The following SLC6A6 variants were observed in gnomAD, a reference collection of about 807,000 sequenced individuals.
SLC6A6 encodes the protein solute carrier family 6 member 6.
In SLC6A6, 16 loss-of-function variants were observed where a neutral mutation model predicts 68.8. That is an observed-to-expected ratio of 0.23 (90% CI 0.16 to 0.35). The LOEUF is 0.35. Ranked by LOEUF, SLC6A6 falls within the 10% of genes least tolerant of loss-of-function variation. SLC6A6 has a pLI of 1.00. For missense variants in SLC6A6, 474 were observed against 802.8 expected (o/e 0.59, Z 4.95); for synonymous variants, 312 against 315.4 (o/e 0.99, Z 0.12).
intron 10 of SLC6A6, among the ~76,000 whole-genome samples, chr3:14,473,983 C>T (rs1201048655): frequency 6.6e-6 from 1 of 152,230 alleles, no homozygotes; most frequent in African/African-American, 2.4e-5. Context: ...GGAGGACACG[C>T]ATCTCTCAGG....
chr3:14,433,150 C>T (rs1699768078), intron 2 of SLC6A6, among the ~76,000 whole-genome samples: 1 of 152,176 alleles, frequency 6.6e-6, no homozygotes, highest in Admixed American at 6.5e-5. Context: ...TGTGATGGCC[C>T]TGGGCCAGGT....
intron 2 of SLC6A6, among the ~76,000 whole-genome samples, chr3:14,423,785 G>A (rs1699532763): frequency 6.6e-6 from 1 of 152,196 alleles, no homozygotes; most frequent in Non-Finnish European, 1.5e-5. Flanking sequence ...AATACCAAAT[G>A]TGTCTTATTA....
intron 1 of SLC6A6, among the ~76,000 whole-genome samples, chr3:14,405,172 A>G (rs1699078049): frequency 6.6e-6 from 1 of 152,196 alleles, no homozygotes; most frequent in Non-Finnish European, 1.5e-5. Context: ...AAGGTGTCCC[A>G]GTCCTTAGGG....
At chr3:14,463,512 C>A (rs1183137786) in intron 6 of SLC6A6, among the ~76,000 whole-genome samples, 2 of 152,234 alleles carry the variant, frequency 1.3e-5, no homozygotes, top group African/African-American at 4.8e-5. Context: ...TTTGAAGTGG[C>A]CGCCCTCTGG....
At chr3:14,445,613 C>T (rs1246025909) in intron 3 of SLC6A6, 104 bp from the exon 4 acceptor site, 1 of 1,305,356 alleles carries the variant, frequency 7.7e-7, no homozygotes, top group Non-Finnish European at 1.1e-6. Context: ...CCTCATGCCC[C>T]TCATGCATTC....
At chr3:14,474,742 AG>A (rs1364265263) in intron 10 of SLC6A6, among the ~76,000 whole-genome samples, 1 of 152,222 alleles carries the variant, frequency 6.6e-6, no homozygotes, top group Non-Finnish European at 1.5e-5. Flanking sequence ...CTTACCTGCT[AG>A]TTTGTCCCAA....
intron 2 of SLC6A6, among the ~76,000 whole-genome samples, chr3:14,433,335 A>G (rs1699773119): frequency 6.6e-6 from 1 of 152,124 alleles, no homozygotes; most frequent in South Asian, 2.1e-4. Context: ...TCACCCATGG[A>G]GCCGGCAGGG....
Position 14,472,424 on chromosome 3 carries a change from G to A in SLC6A6, c.1209+107G>A. On this transcript the variant is annotated intron_variant, in intron 10 of 14. Transcript: ENST00000622186. The surrounding 1 kb of genome is among the most constrained non-coding windows in gnomAD (Gnocchi z 4.5). ...GTGGTCAACCCCCTTCCCCCCTCCA[G>A]TCAGACTTCCAGTGCTTCAGCTGTG... The A allele has an allele frequency of 1.4e-6, 1 of 713,052 alleles. No individual in the cohort carries two copies. Among genetic ancestry groups the A allele is most frequent in the African/African-American group, 1.8e-5 (1 of 56,960 alleles). The allele number at this position is 713,052 out of a possible 1,614,324, so 44.2% of individuals were successfully genotyped here.
At chr3:14,471,076 C>G (rs1176788041) in intron 9 of SLC6A6, among the ~76,000 whole-genome samples, 1 of 147,406 alleles carries the variant, frequency 6.8e-6, no homozygotes, top group Non-Finnish European at 1.5e-5. Flanking sequence ...CGTCTGGTTT[C>G]TAATCCCTGC....
In SLC6A6 at chr3:14,443,715, C is replaced by G; in HGVS notation, c.81C>G (p.Gly27=). The G allele has an allele frequency of 6.2e-7, 1 of 1,614,148 alleles. No individual in the cohort carries two copies. Among genetic ancestry groups the G allele is most frequent in the Non-Finnish European group, 8.5e-7 (1 of 1,179,986 alleles). ...ILKPSPGKSP[G]TRPEDEAEGK... ...AGCCCTCACCAGGGAAGAGCCCAGG[C>G]ACGCGGCCTGAGGACGAGGCTGAGG... The change falls in exon 3 of 15, where the codon GGC becomes GGG. Residue 27 remains glycine, a synonymous_variant. Transcript: ENST00000622186.
chr3:14,484,483 A>G (rs1701090217), intron 14 of SLC6A6, among the ~76,000 whole-genome samples: 1 of 152,234 alleles, frequency 6.6e-6, no homozygotes, highest in African/African-American at 2.4e-5. Flanking sequence ...GGGCATACAA[A>G]TGAGAGGAAC....
chr3:14,462,300 A>G (rs1337441329), intron 6 of SLC6A6, among the ~76,000 whole-genome samples: 1 of 152,202 alleles, frequency 6.6e-6, no homozygotes, highest in African/African-American at 2.4e-5. Flanking sequence ...ATGAGCTTAG[A>G]GGTTTATTTT....
At chr3:14,440,322 G>A (rs1699952719) in intron 2 of SLC6A6, among the ~76,000 whole-genome samples, 1 of 152,188 alleles carries the variant, frequency 6.6e-6, no homozygotes, top group African/African-American at 2.4e-5. Context: ...GGGGCAGCTG[G>A]CAGGGAGCCA....
At chr3:14,474,967 A>G (rs1043817555) in intron 10 of SLC6A6, among the ~76,000 whole-genome samples, 1 of 152,234 alleles carries the variant, frequency 6.6e-6, no homozygotes, top group African/African-American at 2.4e-5. Flanking sequence ...TTGGTGAGAC[A>G]GGGTAGAGGA....
intron 9 of SLC6A6, among the ~76,000 whole-genome samples, chr3:14,470,709 G>A (rs1236816960): frequency 6.6e-6 from 1 of 152,138 alleles, no homozygotes; most frequent in African/African-American, 2.4e-5. Flanking sequence ...GGACCAGTGG[G>A]GCCCCGGTCT....
chr3:14,435,340 C>T (rs567398939), intron 2 of SLC6A6, among the ~76,000 whole-genome samples: 20 of 152,178 alleles, frequency 1.3e-4, no homozygotes, highest in South Asian at 6.2e-4. Context: ...AGGCTTCTAG[C>T]GGAGGTCGGG....
intron 1 of SLC6A6, among the ~76,000 whole-genome samples, chr3:14,403,055 C>T (rs749245242): frequency 3.1e-4 from 47 of 151,518 alleles, no homozygotes; most frequent in Admixed American, 7.2e-4. Flanking sequence ...AGGGCTCCGG[C>T]TCTTGGTGCG....
chr3:14,409,100 G>T (rs1393871808), intron 1 of SLC6A6, among the ~76,000 whole-genome samples: 1 of 152,204 alleles, frequency 6.6e-6, no homozygotes, highest in African/African-American at 2.4e-5. Flanking sequence ...GAGCCACCAC[G>T]CCTGGCCAGT....
rs375356743 is a variant in SLC6A6, at chr3:14,477,515, A to C, written c.1347+173A>C. Among the ~76,000 whole-genome samples the C allele has an allele frequency of 6.6e-6, 1 of 152,190 alleles. No individual in the cohort carries two copies. The highest frequency in any genetic ancestry group is 1.5e-5 in the Non-Finnish European group (1 of 68,028). Reference sequence around the variant, plus strand: ...TGGGGGTAGCACGAGGGGGCTCAGGAGCCCACAGCTGACCCAAACTACCCA... The same window carrying C: ...TGGGGGTAGCACGAGGGGGCTCAGGCGCCCACAGCTGACCCAAACTACCCA... On this transcript the variant is annotated intron_variant, in intron 11 of 14. Coordinates refer to ENST00000622186, the MANE Select transcript of SLC6A6 (RefSeq NM_003043.6). This position sits in a 1 kb window ranked among gnomAD's most constrained non-coding sequence, Gnocchi z 4.2.
Sources: allele counts gnomAD v4.1 joint callset (sites outside exome capture counted in the v4.1 genomes callset), GRCh38; gene constraint gnomAD v4.1.1; non-coding constraint Gnocchi (gnomAD v3.1); transcripts MANE v1.5; gene names NCBI Gene and HGNC (gene_info 2026-07-23, HGNC 2026-07-21).